The following TRPM3 variants were observed in gnomAD, a reference collection of about 807,000 sequenced individuals.
TRPM3 encodes long transient receptor potential channel 3.
TRPM3 carries 77 observed loss-of-function variants against 181.2 expected under a neutral mutation model. The observed-to-expected ratio is 0.42, with a 90% confidence interval of 0.35 to 0.51. The LOEUF is 0.51. Among genes scored for constraint, TRPM3 ranks in the 20% least tolerant of loss-of-function variants. The probability of loss-of-function intolerance (pLI) is 0.01; values close to 1 mark genes in which losing one functional copy is unlikely to be tolerated. For synonymous variants in TRPM3, 745 were observed against 796.4 expected, an observed-to-expected ratio of 0.94 and a Z score of 1.09; for missense variants, 1,759 against 2,196.7, an observed-to-expected ratio of 0.80 and a Z score of 3.98.
At chr9:71,170,862 G>A (rs1233090935) in intron 1 of TRPM3, among the ~76,000 whole-genome samples, 1 of 152,144 alleles carries the variant, frequency 6.6e-6, no homozygotes, top group East Asian at 1.9e-4. Flanking sequence ...ATTGTTCAGG[G>A]AATAAGAGAG....
intron 1 of TRPM3, among the ~76,000 whole-genome samples, chr9:71,032,572 A>T (rs7025112): frequency 1.3e-5 from 2 of 152,058 alleles, no homozygotes; most frequent in African/African-American, 2.4e-5. Flanking sequence ...AAGCAAAGAC[A>T]TGCTGGATTA....
chr9:70,634,572 C>T (rs773595449), intron 12 of TRPM3, among the ~76,000 whole-genome samples: 3 of 152,224 alleles, frequency 2.0e-5, no homozygotes, highest in Middle Eastern at 3.4e-3. Flanking sequence ...AACTTTAAAC[C>T]TAGCTCTTCA....
At chr9:71,167,940 T>C (rs1370157931) in intron 1 of TRPM3, among the ~76,000 whole-genome samples, 1 of 152,194 alleles carries the variant, frequency 6.6e-6, no homozygotes, top group Non-Finnish European at 1.5e-5. Context: ...TATAATGTTA[T>C]GACAAATCAA....
intron 1 of TRPM3, among the ~76,000 whole-genome samples, chr9:71,228,925 T>C (rs967772696): frequency 1.3e-5 from 2 of 152,038 alleles, no homozygotes; most frequent in Admixed American, 1.3e-4. Flanking sequence ...GTAATCCCTA[T>C]AAAAATACCA....
intron 1 of TRPM3, among the ~76,000 whole-genome samples, chr9:71,238,157 C>A (rs536760445): frequency 3.3e-5 from 5 of 152,158 alleles, no homozygotes; most frequent in African/African-American, 7.2e-5. Flanking sequence ...TATGAAAAAA[C>A]GCAGCATTAT....
chr9:71,069,914 A>AT (rs1413867774), intron 1 of TRPM3, among the ~76,000 whole-genome samples: 2 of 141,926 alleles, frequency 1.4e-5, no homozygotes, highest in African/African-American at 2.4e-5. Flanking sequence ...AGCGAAAATT[A>AT]ATTTTTTTAA....
At chr9:70,554,355 G>C (rs2047160242) in intron 22 of TRPM3, among the ~76,000 whole-genome samples, 1 of 152,142 alleles carries the variant, frequency 6.6e-6, no homozygotes, top group Non-Finnish European at 1.5e-5. Flanking sequence ...GGGGGGAGTG[G>C]GAGGAGCACC....
intron 22 of TRPM3, chr9:70,579,609 G>C (rs2055081654): frequency 6.6e-6 from 1 of 152,256 alleles, no homozygotes; most frequent in African/African-American, 2.4e-5. Flanking sequence ...GTTTGGAGGA[G>C]GAGAAACCTA....
intron 1 of TRPM3, among the ~76,000 whole-genome samples, chr9:71,359,797 T>G (rs1177135791): frequency 6.6e-6 from 1 of 152,164 alleles, no homozygotes; most frequent in African/African-American, 2.4e-5. Flanking sequence ...TTTAAGATAC[T>G]TAAGCTCTCT....
At chr9:71,178,127 G>A (rs373680528) in intron 1 of TRPM3, among the ~76,000 whole-genome samples, 15 of 151,734 alleles carry the variant, frequency 9.9e-5, no homozygotes, top group East Asian at 9.7e-4. Context: ...CCTATAAACC[G>A]TCACAATGGC....
intron 1 of TRPM3, among the ~76,000 whole-genome samples, chr9:71,266,189 G>C (rs10869007): frequency 0.54 from 82,622 of 152,048 alleles, 22,559 homozygotes; most frequent in African/African-American, 0.59. Flanking sequence ...TATCAATGAA[G>C]AGAAGCTTTT....
At chr9:71,272,171 A>T (rs2083852198) in intron 1 of TRPM3, among the ~76,000 whole-genome samples, 1 of 152,202 alleles carries the variant, frequency 6.6e-6, no homozygotes, top group South Asian at 2.1e-4. Context: ...GTTATGGAAG[A>T]AAAGTGTCGT....
chr9:71,283,573 G>C (rs2085033250), intron 1 of TRPM3, among the ~76,000 whole-genome samples: 1 of 152,174 alleles, frequency 6.6e-6, no homozygotes, highest in Admixed American at 6.5e-5. Context: ...AAAGTGCTGG[G>C]ATTACTGGCA....
chr9:71,182,321 C>A (rs1465190255), intron 1 of TRPM3, among the ~76,000 whole-genome samples: 1 of 152,050 alleles, frequency 6.6e-6, no homozygotes, highest in East Asian at 1.9e-4. Context: ...GCACACAACT[C>A]CCTCTCCATG....
chr9:70,800,286 C>T (rs1001759966), intron 6 of TRPM3, among the ~76,000 whole-genome samples: 4 of 152,154 alleles, frequency 2.6e-5, no homozygotes, highest in Admixed American at 2.0e-4. Flanking sequence ...TCCACTGGGC[C>T]AGTTGAATGT....
At chr9:71,080,807 C>T (rs660243) in intron 1 of TRPM3, among the ~76,000 whole-genome samples, 151,329 of 152,304 alleles carry the variant, frequency 0.99, 75,185 homozygotes, top group East Asian at 1. Context: ...CTTTTTTTCC[C>T]GCTTTCTGAA....
chr9:70,965,757 T>C lies in TRPM3; in HGVS notation c.178-101246A>G, dbSNP rs532713852. ...GGATATTGGCCTGAGGTTTTCTTTTTTCATTGTATCTCTGCCAGGTTTTGG... is the reference window on the plus strand; with the variant it reads ...GGATATTGGCCTGAGGTTTTCTTTTCTCATTGTATCTCTGCCAGGTTTTGG... On this transcript the variant is annotated intron_variant, in intron 1 of 25. Transcript: ENST00000677713. Among the ~76,000 whole-genome samples the C allele has an allele frequency of 3.9e-5, 6 of 152,156 alleles. No homozygotes were observed. In the South Asian group the frequency reaches 1.0e-3, roughly 26 times the overall value.
chr9:70,565,477 G>A (rs1411172261), intron 22 of TRPM3, among the ~76,000 whole-genome samples: 1 of 152,040 alleles, frequency 6.6e-6, no homozygotes, highest in Non-Finnish European at 1.5e-5. Context: ...ATTTTTAGTA[G>A]AGACAAGGTT....
chr9:71,310,733 A>G (rs2087847731), intron 1 of TRPM3, among the ~76,000 whole-genome samples: 1 of 152,126 alleles, frequency 6.6e-6, no homozygotes, highest in Admixed American at 6.6e-5. Flanking sequence ...GCTAATACAA[A>G]TCAGTCTCAG....
Sources: gnomAD v4.1 joint callset for allele counts (sites outside exome capture counted in the v4.1 genomes callset) on GRCh38, gnomAD v4.1.1 for gene constraint, MANE v1.5 for transcripts, NCBI Gene and HGNC (gene_info 2026-07-23, HGNC 2026-07-21) for gene names.